The following PUDP variants were observed in gnomAD, a reference collection of about 807,000 sequenced individuals.
PUDP encodes pseudouridine 5'-phosphatase, also known as pseudouridine-5'-phosphatase.
A neutral mutation model predicts 9.4 loss-of-function variants in PUDP; 8 were observed. The observed-to-expected ratio is 0.85, with a 90% confidence interval of 0.50 to 1.53. PUDP has a LOEUF of 1.53. PUDP is among the 40% of genes most tolerant of loss of function. The pLI, the probability that PUDP is intolerant of heterozygous loss-of-function variation, is 0.00. For missense variants in PUDP, 188 were observed against 189.7 expected, an observed-to-expected ratio of 0.99 and a Z score of 0.05; for synonymous variants, 99 against 80.7, an observed-to-expected ratio of 1.23 and a Z score of -1.22.
intron 3 of PUDP, among the ~76,000 whole-genome samples, chrX:6,918,316 G>A (rs1264690356): frequency 8.9e-6 from 1 of 112,207 alleles, no homozygotes; most frequent in Non-Finnish European, 1.9e-5. Flanking sequence ...AATGACATCA[G>A]CATTTGTAAA....
intron 3 of PUDP, among the ~76,000 whole-genome samples, chrX:6,752,364 G>C (rs915539245): frequency 4.5e-5 from 5 of 111,095 alleles, no homozygotes; most frequent in Non-Finnish European, 9.4e-5. Context: ...TCACTGCACA[G>C]ATTCTATGTC....
At chrX:7,058,371 A>G (rs771887840) in intron 3 of PUDP, among the ~76,000 whole-genome samples, 11 of 112,208 alleles carry the variant, frequency 9.8e-5, no homozygotes, top group Non-Finnish European at 1.5e-4. Flanking sequence ...CTGGAATTAC[A>G]TGGAAGCACA....
chrX:6,834,134 T>C (rs1188267719), intron 3 of PUDP, among the ~76,000 whole-genome samples: 1 of 111,901 alleles, frequency 8.9e-6, no homozygotes, highest in Non-Finnish European at 1.9e-5. Flanking sequence ...TTTTTGTCTA[T>C]AAGGTAAGGG....
At chrX:7,014,028 G>C (rs1339925388) in intron 1 of PUDP, among the ~76,000 whole-genome samples, 1 of 110,632 alleles carries the variant, frequency 9.0e-6, no homozygotes, top group Non-Finnish European at 1.9e-5. Context: ...TGGGGAGCTG[G>C]AAGGGGGAAT....
intron 3 of PUDP, among the ~76,000 whole-genome samples, chrX:7,055,154 G>T (rs1040022296): frequency 9.0e-6 from 1 of 111,658 alleles, no homozygotes; most frequent in Non-Finnish European, 1.9e-5. Flanking sequence ...TGTTGGTTTG[G>T]TTTTTTTCCC....
chrX:6,814,804 A>G (rs1926201217), intron 3 of PUDP, among the ~76,000 whole-genome samples: 1 of 111,883 alleles, frequency 8.9e-6, no homozygotes, highest in South Asian at 3.7e-4. Flanking sequence ...CCTCTTTTTA[A>G]AAATTTTCAG....
intron 3 of PUDP, among the ~76,000 whole-genome samples, chrX:6,959,772 T>G (rs1447449342): frequency 1.8e-5 from 2 of 112,660 alleles, no homozygotes; most frequent in African/African-American, 6.4e-5. Context: ...ATTGGGCCCC[T>G]AGGGCCTTCA....
chrX:7,068,388 G>A (rs1335670326), intron 3 of PUDP, among the ~76,000 whole-genome samples: 2 of 111,800 alleles, frequency 1.8e-5, no homozygotes, highest in Non-Finnish European at 3.8e-5. Flanking sequence ...ATCAGTGACT[G>A]GATTCTGTGT....
intron 3 of PUDP, among the ~76,000 whole-genome samples, chrX:6,819,073 G>A (rs1326645959): frequency 9.0e-6 from 1 of 111,337 alleles, no homozygotes; most frequent in African/African-American, 3.3e-5. Context: ...TTGGTAAAAT[G>A]TACGGAGACC....
intron 1 of PUDP, among the ~76,000 whole-genome samples, chrX:7,139,372 C>T (rs974401783): frequency 8.9e-6 from 1 of 112,152 alleles, no homozygotes; most frequent in Non-Finnish European, 1.9e-5. Flanking sequence ...TCCTCAGTTG[C>T]ATGAGTCACA....
chrX:7,109,666 TAAGA>T (rs1189833514), intron 1 of PUDP, among the ~76,000 whole-genome samples: 10 of 112,322 alleles, frequency 8.9e-5, no homozygotes, highest in Admixed American at 2.8e-4. Flanking sequence ...ATCCGTGGAA[TAAGA>T]AAGGATCTAA....
chrX:7,080,803 C>T (rs1417566403), intron 2 of PUDP, among the ~76,000 whole-genome samples: 2 of 109,100 alleles, frequency 1.8e-5, no homozygotes, highest in Non-Finnish European at 3.8e-5. Flanking sequence ...GTCCTGTAAC[C>T]CGTTACTTGG....
chrX:7,085,602 T>A (rs1931239514), intron 2 of PUDP: 3 of 111,912 alleles, frequency 2.7e-5, no homozygotes, highest in African/African-American at 9.8e-5. Flanking sequence ...TACAAAGGGG[T>A]CCACGAAATG....
At chrX:7,073,555 A>C (rs1353861921) in intron 3 of PUDP, among the ~76,000 whole-genome samples, 2 of 112,868 alleles carry the variant, frequency 1.8e-5, no homozygotes, top group Non-Finnish European at 3.7e-5. Flanking sequence ...TGCGGGCAAG[A>C]AGCAGCAGCA....
intron 3 of PUDP, among the ~76,000 whole-genome samples, chrX:6,780,730 T>TAC (rs1281795801): frequency 1.8e-5 from 2 of 109,559 alleles, no homozygotes; most frequent in African/African-American, 3.3e-5. Flanking sequence ...GATAAACATG[T>TAC]ACACACACAC....
intron 3 of PUDP, among the ~76,000 whole-genome samples, chrX:7,069,200 C>T (rs749252237): frequency 4.5e-5 from 5 of 111,398 alleles, no homozygotes; most frequent in African/African-American, 1.3e-4. Context: ...GCGTGGGAAA[C>T]GGATGTCTGT....
rs980809109 is a variant in PUDP at position 7,148,134 on chromosome X, G to A, written c.-21C>T. The A allele has an allele frequency of 1.2e-5, 13 of 1,095,110 alleles. No individual in the cohort carries two copies. The highest frequency in any genetic ancestry group is 1.5e-5 in the Non-Finnish European group (12 of 824,871). The allele number at this position is 1,095,110 out of a possible 1,213,427, so 90.2% of individuals were successfully genotyped here. On this transcript the variant is annotated 5_prime_UTR_variant, in exon 1 of 4. Coordinates refer to ENST00000381077, the MANE Select transcript of PUDP (RefSeq NM_012080.5). Reference sequence around the variant, plus strand: ...GCCATGGTGGCGCCTTCTGGGTCTGGGTGGGGGCGAGGAGGAAGTGCGCGC... The same window carrying A: ...GCCATGGTGGCGCCTTCTGGGTCTGAGTGGGGGCGAGGAGGAAGTGCGCGC...
intron 3 of PUDP, among the ~76,000 whole-genome samples, chrX:6,823,177 A>AAAAT (rs1360677161): frequency 9.0e-6 from 1 of 111,597 alleles, no homozygotes; most frequent in Non-Finnish European, 1.9e-5. Flanking sequence ...ACCTTGTCTT[A>AAAAT]AAATAAATAA....
intron 3 of PUDP, among the ~76,000 whole-genome samples, chrX:6,741,587 A>G (rs1367535943): frequency 9.0e-6 from 1 of 111,179 alleles, no homozygotes; most frequent in Non-Finnish European, 1.9e-5. Context: ...AGATATAGAC[A>G]TATGTAGAGA....
Sources: allele counts gnomAD v4.1 joint callset (sites outside exome capture counted in the v4.1 genomes callset), GRCh38; gene constraint gnomAD v4.1.1; transcripts MANE v1.5; gene names NCBI Gene and HGNC (gene_info 2026-07-23, HGNC 2026-07-21).